Variants in CFAP61 observed in about 807,000 individuals in gnomAD.
CFAP61 encodes the protein cilia and flagella associated protein 61, also known as cilia- and flagella-associated protein 61.
CFAP61 carries 107 observed loss-of-function variants against 135.6 expected under a neutral mutation model. The ratio of observed to expected loss-of-function variants is 0.79; its 90% CI spans 0.67 to 0.93. CFAP61 has a LOEUF of 0.93. Ranked by LOEUF, CFAP61 falls within the 40% of genes least tolerant of loss-of-function variation. The pLI is 0.00. For missense variants in CFAP61, 1,507 were observed against 1,556.2 expected (o/e 0.97, Z 0.53); for synonymous variants, 575 against 578.5 (o/e 0.99, Z 0.09).
At chr20:20,309,173 T>G (rs2056664787) in intron 25 of CFAP61, among the ~76,000 whole-genome samples, 2 of 152,164 alleles carry the variant, frequency 1.3e-5, no homozygotes, top group Non-Finnish European at 2.9e-5. Context: ...CTCCTACACC[T>G]GAGTCTTTAT....
intron 22 of CFAP61, among the ~76,000 whole-genome samples, chr20:20,278,626 G>A (rs1261834118): frequency 1.3e-5 from 2 of 152,186 alleles, no homozygotes; most frequent in Admixed American, 6.5e-5. Flanking sequence ...CCCTTACCTA[G>A]GAGTGGGGGG....
At chr20:20,275,277 C>A (rs983378031) in intron 21 of CFAP61, among the ~76,000 whole-genome samples, 2 of 152,208 alleles carry the variant, frequency 1.3e-5, no homozygotes, top group African/African-American at 2.4e-5. Context: ...CCACCCACAA[C>A]GTGCTTCTTG....
chr20:20,352,296 A>C (rs1391435326), intron 26 of CFAP61, among the ~76,000 whole-genome samples: 1 of 143,586 alleles, frequency 7.0e-6, no homozygotes. Flanking sequence ...AGTTCACCCC[A>C]CTATCATGAG....
At chr20:20,119,480 TTTTA>T (rs1299854572) in intron 8 of CFAP61, among the ~76,000 whole-genome samples, 4 of 152,168 alleles carry the variant, frequency 2.6e-5, no homozygotes, top group African/African-American at 7.2e-5. Context: ...ATGTTTCTGA[TTTTA>T]TTTGAGTCTT....
intron 8 of CFAP61, among the ~76,000 whole-genome samples, chr20:20,110,881 G>A (rs1253999889): frequency 2.0e-5 from 3 of 152,124 alleles, no homozygotes; most frequent in Non-Finnish European, 4.4e-5. Flanking sequence ...GGAGGGAAAG[G>A]GGCAAAACAA....
chr20:20,155,040 G>A (rs1348805699), intron 9 of CFAP61, among the ~76,000 whole-genome samples: 1 of 152,128 alleles, frequency 6.6e-6, no homozygotes, highest in Non-Finnish European at 1.5e-5. Flanking sequence ...TAAGGCTATA[G>A]TTACCAAAAA....
chr20:20,123,971 GTTTTTTTTTTT>G (rs35528584), intron 8 of CFAP61, among the ~76,000 whole-genome samples: 8 of 65,268 alleles, frequency 1.2e-4, no homozygotes, highest in African/African-American at 4.2e-4. Context: ...ATATTCCTAA[GTTTTTTTTTTT>G]TTTTTTTTTT....
chr20:20,137,558 G>T (rs2051032388), intron 8 of CFAP61, among the ~76,000 whole-genome samples: 1 of 152,104 alleles, frequency 6.6e-6, no homozygotes, highest in Non-Finnish European at 1.5e-5. Context: ...GTACTACCAG[G>T]GTACTACTGA....
chr20:20,255,539 TC>T (rs1361868971), intron 20 of CFAP61, among the ~76,000 whole-genome samples: 1 of 152,088 alleles, frequency 6.6e-6, no homozygotes, highest in African/African-American at 2.4e-5. Context: ...GTTAATCATG[TC>T]TTAGACTGGG....
intron 6 of CFAP61, among the ~76,000 whole-genome samples, chr20:20,076,553 G>A (rs563316139): frequency 5.3e-5 from 8 of 152,298 alleles, no homozygotes; most frequent in Non-Finnish European, 7.3e-5. Context: ...ACAAAACCAT[G>A]AGCAATGTAG....
In CFAP61 at chr20:20,200,269, TG is replaced by T. The variant is rs1264885009; in HGVS notation, c.1932+369del. ...GATGTTTTGCTTTCAATGCATTAAG[TG>T]GTCATTCGCTGTTAGGACAAAGCTG... On this transcript the variant is annotated intron_variant, in intron 17 of 26. Transcript: ENST00000245957. Among the ~76,000 whole-genome samples, 4 of 152,328 alleles carry T rather than the reference TG, an allele frequency of 2.6e-5. No individual in the cohort carries two copies. The East Asian group carries it at 7.7e-4, about 29-fold the overall frequency.
chr20:20,222,824 C>T (rs952502702), intron 17 of CFAP61, among the ~76,000 whole-genome samples: 3 of 151,934 alleles, frequency 2.0e-5, no homozygotes, highest in Admixed American at 6.6e-5. Context: ...AACTTTGAGC[C>T]GCACCACTGT....
intron 26 of CFAP61, among the ~76,000 whole-genome samples, chr20:20,343,590 C>T (rs919010324): frequency 2.0e-5 from 3 of 152,156 alleles, no homozygotes; most frequent in Admixed American, 1.3e-4. Context: ...AACCTGAACC[C>T]GAGTTGTAAG....
intron 17 of CFAP61, among the ~76,000 whole-genome samples, chr20:20,216,138 T>C (rs1270991734): frequency 1.3e-5 from 2 of 152,232 alleles, no homozygotes; most frequent in African/African-American, 4.8e-5. Flanking sequence ...ATTTCCTTAC[T>C]GTAAATGTCA....
intron 18 of CFAP61, among the ~76,000 whole-genome samples, chr20:20,243,464 T>C (rs2050173622): frequency 6.6e-6 from 1 of 151,264 alleles, no homozygotes; most frequent in Non-Finnish European, 1.5e-5. Flanking sequence ...TGAGATGGAG[T>C]TTCACTCTTG....
At chr20:20,173,088 T>A (rs777685359) in intron 13 of CFAP61, among the ~76,000 whole-genome samples, 5 of 152,226 alleles carry the variant, frequency 3.3e-5, no homozygotes, top group Non-Finnish European at 5.9e-5. Flanking sequence ...TTTTTCCATG[T>A]CTTTTCATGA....
rs775902579 is a variant in CFAP61, at chr20:20,288,886, C to G, written c.3074C>G (p.Pro1025Arg). 12 of 1,613,162 alleles carry G rather than the reference C, an allele frequency of 7.4e-6. No individual in the cohort carries two copies. The highest frequency in any genetic ancestry group is 9.3e-6 in the Non-Finnish European group (11 of 1,179,312). ...DPTLEPVTEP[P>R]ANLDRLIPMY... ...ACCCTTGAGCCTGTGACCGAGCCAC[C>G]AGCTAATCTTGACCGGCTCATCCCC... The change falls in exon 23 of 27, where the codon CCA becomes CGA. Residue 1025 changes from proline to arginine, a missense_variant. Transcript: ENST00000245957.
At chr20:20,228,484 C>G in intron 18 of CFAP61, 108 bp downstream of exon 18, 1 of 889,066 alleles carries the variant, frequency 1.1e-6, no homozygotes, top group Non-Finnish European at 1.8e-6. Context: ...GTTTGGTACT[C>G]CACACACCCT....
chr20:20,055,411 T>G (rs1020528555), intron 1 of CFAP61, among the ~76,000 whole-genome samples: 16 of 152,170 alleles, frequency 1.1e-4, no homozygotes, highest in African/African-American at 2.7e-4. Context: ...GCTGGTGAGT[T>G]TAATTTTTCT....
Sources: allele counts gnomAD v4.1 joint callset (sites outside exome capture counted in the v4.1 genomes callset), GRCh38; gene constraint gnomAD v4.1.1; transcripts MANE v1.5; gene names NCBI Gene and HGNC (gene_info 2026-07-23, HGNC 2026-07-21).